Variants in OXGR1 observed in about 807,000 individuals in gnomAD.
OXGR1 encodes the protein oxoglutarate receptor 1, also known as 2-oxoglutarate receptor 1.
Under a neutral mutation model 10.0 loss-of-function variants are expected in OXGR1, and 10 were observed. The observed-to-expected ratio is 1.00, with a 90% CI of 0.62 to 1.70. The LOEUF (loss-of-function observed/expected upper bound fraction) is 1.70. OXGR1 is among the 40% of genes most tolerant of loss of function. The pLI is 0.00. For missense variants in OXGR1, 398 were observed against 407.6 expected, an observed-to-expected ratio of 0.98 and a Z score of 0.20; for synonymous variants, 191 against 155.9, an observed-to-expected ratio of 1.22 and a Z score of -1.68.
At chr13:96,993,406 A>G (rs1039611274) in intron 1 of OXGR1, among the ~76,000 whole-genome samples, 7 of 151,950 alleles carry the variant, frequency 4.6e-5, no homozygotes, top group Admixed American at 3.9e-4. Context: ...TTGTATAGAG[A>G]CAGGGTTTCA....
chr13:96,992,737 T>C (rs563375009), intron 1 of OXGR1, among the ~76,000 whole-genome samples, 165 bp from the exon 2 acceptor site: 27 of 152,198 alleles, frequency 1.8e-4, no homozygotes, highest in Non-Finnish European at 2.8e-4. Context: ...ATCAGCTTTG[T>C]TGGATAAGTT....
At chr13:96,993,945 C>A (rs1856660337) in intron 1 of OXGR1, among the ~76,000 whole-genome samples, 1 of 152,124 alleles carries the variant, frequency 6.6e-6, no homozygotes, top group Non-Finnish European at 1.5e-5. Context: ...GTCTCCTAAG[C>A]ACTCTCCCTG....
chr13:96,988,788 A>G (rs1331363823), intron 3 of OXGR1, among the ~76,000 whole-genome samples: 1 of 152,264 alleles, frequency 6.6e-6, no homozygotes, highest in Non-Finnish European at 1.5e-5. Flanking sequence ...GTGTTTTTAA[A>G]AATTTTGACG....
intron 2 of OXGR1, among the ~76,000 whole-genome samples, chr13:96,991,700 A>G (rs78396059): frequency 0.044 from 6,765 of 152,310 alleles, 479 homozygotes; most frequent in African/African-American, 0.15. Flanking sequence ...AAACTGAGCT[A>G]CCATATGATC....
chr13:96,990,999 G>A (rs1475318142), intron 2 of OXGR1, among the ~76,000 whole-genome samples: 2 of 145,776 alleles, frequency 1.4e-5, no homozygotes, highest in Non-Finnish European at 3.0e-5. Context: ...AAAGTAGGAA[G>A]CAAAATTACA....
At chr13:96,992,862 CT>C (rs1882126531) in intron 1 of OXGR1, among the ~76,000 whole-genome samples, 1 of 152,138 alleles carries the variant, frequency 6.6e-6, no homozygotes, top group Non-Finnish European at 1.5e-5. Context: ...TTCTTTCCTC[CT>C]TTTCCCAAGA....
At chr13:96,993,250 G>A (rs1245661136) in intron 1 of OXGR1, among the ~76,000 whole-genome samples, 4 of 152,106 alleles carry the variant, frequency 2.6e-5, no homozygotes, top group African/African-American at 9.7e-5. Flanking sequence ...ACGAAATCTT[G>A]CTCTGTCGCC....
intron 1 of OXGR1, among the ~76,000 whole-genome samples, chr13:96,993,452 C>T (rs1160900120): frequency 6.6e-6 from 1 of 152,024 alleles, no homozygotes; most frequent in Non-Finnish European, 1.5e-5. Context: ...GAACTACTGA[C>T]CTCAGGTGAT....
At position 96,987,740 on chromosome 13, in the gene OXGR1, T is replaced by G. The variant is rs748813107; in HGVS notation, c.20A>C (p.Tyr7Ser). 1.4e-5 allele frequency: 22 copies of G among 1,597,720 alleles called. No homozygotes were observed. Among genetic ancestry groups the G allele is most frequent in the Non-Finnish European group, 1.8e-5 (21 of 1,170,922 alleles). The change falls in exon 4 of 4, where the codon TAT (tyrosine) becomes TCT (serine). Residue 7 changes from tyrosine (Y) to serine (S), a missense_variant. Coordinates refer to ENST00000541038, the MANE Select transcript of OXGR1 (RefSeq NM_001346194.2). ...GGGGAAATCAGAAGCATTTGCTAAA[T>G]AGTCTAGTGGCTCATTCATGGTTGT... MNEPLD[Y>S]LANASDFPDY...
In OXGR1 at chr13:96,986,391, T is replaced by A. The variant is rs192738081; in HGVS notation, c.*355A>T. 9 of 205,862 alleles carry A rather than the reference T, an allele frequency of 4.4e-5. No individual in the cohort carries two copies. The East Asian group carries it at 1.2e-3, about 27-fold the overall frequency. The allele number at this position is 205,862 out of a possible 1,614,324, so 12.8% of individuals were successfully genotyped here. Reference sequence around the variant, plus strand: ...GAGTGAAAAGATTGGTTTTCTCCTATCTTGGCACAAATTTACTGAGCAATC... The same window carrying A: ...GAGTGAAAAGATTGGTTTTCTCCTAACTTGGCACAAATTTACTGAGCAATC... On this transcript the variant is annotated 3_prime_UTR_variant, in exon 4 of 4. Transcript: ENST00000541038.
chr13:96,992,370 C>T (rs1593978517), intron 2 of OXGR1, 52 bp downstream of exon 2: 1 of 152,188 alleles, frequency 6.6e-6, no homozygotes, highest in South Asian at 2.1e-4. Flanking sequence ...TATATACCTG[C>T]TATGTATCCA....
At position 96,987,833 on chromosome 13, in the gene OXGR1, G is replaced by T; in HGVS notation, c.-74C>A. 6.7e-7 allele frequency: 1 copy of T among 1,492,416 alleles called. No individual in the cohort carries two copies. Among genetic ancestry groups the T allele is most frequent in the Non-Finnish European group, 8.9e-7 (1 of 1,120,542 alleles). 92.4% of individuals were successfully genotyped at this position (1,492,416 alleles called of 1,614,324 possible). On this transcript the variant is annotated splice_region_variant and 5_prime_UTR_variant, in exon 4 of 4. Coordinates refer to ENST00000541038, the MANE Select transcript of OXGR1 (RefSeq NM_001346194.2). ...ATATGAATCAAATGAGCAGTAACTCGCTGATAAAGGAAAACAGAAAACATT... is the reference window on the plus strand; with the variant it reads ...ATATGAATCAAATGAGCAGTAACTCTCTGATAAAGGAAAACAGAAAACATT...
chr13:96,989,313 T>G lies in OXGR1; in HGVS notation c.-75+445A>C, dbSNP rs560520114. On this transcript the variant is annotated intron_variant, in intron 3 of 3. Transcript: ENST00000541038. ...TTTCAAACTAACCCAACTTGACAAA[T>G]CCTAAATTAGCAGAATCAGTCCTTC... Among the ~76,000 whole-genome samples the G allele has an allele frequency of 2.0e-5, 3 of 152,242 alleles. No individual in the cohort carries two copies. The South Asian group carries it at 6.2e-4, about 32-fold the overall frequency.
intron 2 of OXGR1, among the ~76,000 whole-genome samples, chr13:96,991,774 G>T (rs1301485471): frequency 2.0e-5 from 3 of 152,140 alleles, no homozygotes; most frequent in Admixed American, 1.3e-4. Flanking sequence ...AGAGCTATCC[G>T]CATTCCCATG....
In OXGR1 at chr13:96,986,606, C is replaced by T. The variant is rs1881749371; in HGVS notation, c.*140G>A. 1 of 845,062 alleles carries T rather than the reference C, an allele frequency of 1.2e-6. No homozygotes were observed. Among genetic ancestry groups the T allele is most frequent in the South Asian group, 1.8e-5 (1 of 56,096 alleles). The allele number at this position is 845,062 out of a possible 1,614,324, so 52.3% of individuals were successfully genotyped here. Reference sequence around the variant, plus strand: ...TAAAGGGATTGCAAAGAACTAGAAGCTCTGCCCTGGCTTTGGCACATGATT... The same window carrying T: ...TAAAGGGATTGCAAAGAACTAGAAGTTCTGCCCTGGCTTTGGCACATGATT... On this transcript the variant is annotated 3_prime_UTR_variant, in exon 4 of 4. Coordinates refer to ENST00000541038, the MANE Select transcript of OXGR1 (RefSeq NM_001346194.2).
At chr13:96,994,634 G>A (rs2138913104), upstream of OXGR1, 1 of 152,424 alleles carries the variant, frequency 6.6e-6, no homozygotes, top group Admixed American at 6.5e-5. Flanking sequence ...GCCCCAGGAG[G>A]GTTGTGGCCG....
At chr13:96,992,983 T>C (rs1375549834) in intron 1 of OXGR1, among the ~76,000 whole-genome samples, 5 of 152,198 alleles carry the variant, frequency 3.3e-5, no homozygotes, top group Non-Finnish European at 7.3e-5. Context: ...AAAAAGAAAC[T>C]TAAGTAGACC....
intron 1 of OXGR1, among the ~76,000 whole-genome samples, chr13:96,993,385 A>G (rs912209423): frequency 6.6e-6 from 1 of 151,936 alleles, no homozygotes; most frequent in Non-Finnish European, 1.5e-5. Context: ...CGTCTGGCTA[A>G]TTTTTTGTAT....
At chr13:96,992,990 G>C (rs1882133349) in intron 1 of OXGR1, among the ~76,000 whole-genome samples, 1 of 152,182 alleles carries the variant, frequency 6.6e-6, no homozygotes, top group Non-Finnish European at 1.5e-5. Flanking sequence ...AACTTAAGTA[G>C]ACCTTTCATT....
Sources: allele counts gnomAD v4.1 joint callset (sites outside exome capture counted in the v4.1 genomes callset), GRCh38; gene constraint gnomAD v4.1.1; transcripts MANE v1.5; gene names NCBI Gene and HGNC (gene_info 2026-07-23, HGNC 2026-07-21).